Variants in PRODH2 observed in about 807,000 individuals in gnomAD.
The protein encoded by PRODH2 is hydroxyproline dehydrogenase.
In PRODH2, 49 loss-of-function variants were observed where a neutral mutation model predicts 51.9. The observed-to-expected ratio is 0.94, with a 90% CI of 0.75 to 1.20. PRODH2 has a LOEUF of 1.20. Among genes scored for constraint, PRODH2 ranks in the 50% most tolerant of loss-of-function variants. PRODH2 has a pLI of 0.00. For missense variants in PRODH2, 597 were observed against 610.9 expected, an observed-to-expected ratio of 0.98 and a Z score of 0.24; for synonymous variants, 249 against 260.7, an observed-to-expected ratio of 0.96 and a Z score of 0.43.
rs1351001270 is a variant in PRODH2, at chr19:35,802,262, C to A, written c.1127G>T (p.Gly376Val). 2 of 1,614,152 alleles carry A rather than the reference C, an allele frequency of 1.2e-6. No individual in the cohort carries two copies. Among genetic ancestry groups the A allele is most frequent in the Admixed American group, 3.3e-5 (2 of 60,016 alleles). Reference sequence around the variant, plus strand: ...ACAGACAGTCCCATCCAGAGGAATGCCCAGCTCCCACATGCTACAGAAAAG... The same window carrying A: ...ACAGACAGTCCCATCCAGAGGAATGACCAGCTCCCACATGCTACAGAAAAG... The part of the protein sequence containing the change: ...RQATKRMWEL[G>V]IPLDGTVCFG... Residue 376 changes from glycine (G) to valine (V), a missense_variant, in exon 9 of 10, where the codon GGC becomes GTC. Transcript: ENST00000653904.
Position 35,812,707 on chromosome 19 carries a change from G to T in PRODH2, c.99C>A (p.Gly33=). Residue 33 remains glycine (G), a synonymous_variant, in exon 1 of 10, where the codon GGC becomes GGA. Transcript: ENST00000653904. ...GCAAGGCCCGTGTCAGCTCTCCTGT[G>T]CCCTTAAGGTGGAAGGCCCCGCCAT... ...SFDGGAFHLK[G]TGELTRALLV... is the part of the protein sequence containing the mutation. The T allele has an allele frequency of 6.2e-7, 1 of 1,611,472 alleles. No homozygotes were observed. Among genetic ancestry groups the T allele is most frequent in the Non-Finnish European group, 8.5e-7 (1 of 1,178,368 alleles).
At chr19:35,806,639 G>T (rs1182424118) in intron 6 of PRODH2, 36 bp downstream of exon 6, 1 of 1,613,972 alleles carries the variant, frequency 6.2e-7, no homozygotes, top group East Asian at 2.2e-5. Context: ...AGGGTGTGGG[G>T]ACCCCAGCCT....
intron 9 of PRODH2, among the ~76,000 whole-genome samples, chr19:35,800,609 CAG>C (rs1459245901): frequency 6.6e-6 from 1 of 152,202 alleles, no homozygotes; most frequent in Non-Finnish European, 1.5e-5. Context: ...CCACCTGGAA[CAG>C]AGACTTCTGT....
At position 35,802,892 on chromosome 19, in the gene PRODH2, T is replaced by C. The variant is rs552033070; in HGVS notation, c.1112+76A>G. 1.8e-4 allele frequency: 193 copies of C among 1,077,072 alleles called. 1 individual carries two copies. In the East Asian group the frequency reaches 4.5e-3, roughly 25 times the overall value. 66.7% of individuals were successfully genotyped at this position (1,077,072 alleles called of 1,614,324 possible). ...TCCCCAGAACACCTCTGTCCATCTC[T>C]GGCATTTGAGCAAAGGAGAGGAAGG... On this transcript the variant is annotated intron_variant, in intron 8 of 9. Transcript: ENST00000653904.
chr19:35,807,990 G>T (rs1972541328), intron 4 of PRODH2, among the ~76,000 whole-genome samples: 1 of 152,082 alleles, frequency 6.6e-6, no homozygotes, highest in Non-Finnish European at 1.5e-5. Flanking sequence ...GCCCAGGCTG[G>T]TCTCAGTCTC....
intron 7 of PRODH2, among the ~76,000 whole-genome samples, chr19:35,805,131 G>T (rs1599819273): frequency 6.6e-6 from 1 of 152,182 alleles, no homozygotes. Flanking sequence ...TTGGGGTGAT[G>T]AAAATATTGT....
intron 4 of PRODH2, among the ~76,000 whole-genome samples, chr19:35,810,376 G>A (rs1417873833): frequency 1.3e-5 from 2 of 151,922 alleles, no homozygotes; most frequent in African/African-American, 2.4e-5. Context: ...CATTGTTTGG[G>A]AGGGTGGAGA....
At chr19:35,810,235 G>T (rs1972586747) in intron 4 of PRODH2, among the ~76,000 whole-genome samples, 1 of 147,242 alleles carries the variant, frequency 6.8e-6, no homozygotes, top group African/African-American at 2.5e-5. Flanking sequence ...CTCCAGCCTG[G>T]GCAACAGAGC....
rs543623750 is a variant in PRODH2 at position 35,812,109 on chromosome 19, G to A, written c.510+25C>T. On this transcript the variant is annotated intron_variant, in intron 3 of 9. Coordinates refer to ENST00000653904, the MANE Select transcript of PRODH2 (RefSeq NM_021232.2). Reference sequence around the variant, plus strand: ...CCCGATGGGCAGCCGCGCCCTCCCCGCACCCCCGTCTTTGCACTCCTTACA... The same window carrying A: ...CCCGATGGGCAGCCGCGCCCTCCCCACACCCCCGTCTTTGCACTCCTTACA... 110 of 1,613,120 alleles carry A rather than the reference G, an allele frequency of 6.8e-5. 1 individual carries two copies. The South Asian group carries it at 1.1e-3, about 16-fold the overall frequency.
At position 35,807,104 on chromosome 19, in the gene PRODH2, G is replaced by T; in HGVS notation, c.615C>A (p.Cys205Ter). ...GGTGCTGGTTCTGCTCAGCATTGAG[G>T]CAGGAGACCTGGAGGTTCTAGGGGG... is the stretch of plus-strand genomic sequence containing the variant. ...MDSGQNLQVS[C>*]LNAEQNQHLR... The change falls in exon 5 of 10, where the codon TGC becomes TGA. Residue 205 changes from cysteine to a stop codon, truncating the protein, a stop_gained. Coordinates refer to ENST00000653904, the MANE Select transcript of PRODH2 (RefSeq NM_021232.2). LOFTEE classifies it high-confidence loss of function. 2 of 1,552,474 alleles carry T rather than the reference G, an allele frequency of 1.3e-6. No individual in the cohort carries two copies. The highest frequency in any genetic ancestry group is 1.7e-6 in the Non-Finnish European group (2 of 1,147,292).
intron 9 of PRODH2, among the ~76,000 whole-genome samples, chr19:35,801,012 C>A (rs1274992375): frequency 6.6e-6 from 1 of 152,042 alleles, no homozygotes; most frequent in African/African-American, 2.4e-5. Context: ...ACTAAAAATA[C>A]AAAAATTGGC....
Position 35,809,717 on chromosome 19 carries a change from T to C in PRODH2, c.597+2245A>G, listed in dbSNP as rs567115132. 3.6e-3 allele frequency among the ~76,000 whole-genome samples: 551 copies of C among 152,074 alleles called. 2 individuals are homozygous for C. Among genetic ancestry groups the C allele is most frequent in the African/African-American group, 0.013 (525 of 41,468 alleles). On this transcript the variant is annotated intron_variant, in intron 4 of 9. Transcript: ENST00000653904. ...GGCTCATGCCTGTAATCCCAGCACTTTGGGAGGCCGAGGCACGTGGATCAC... is the reference window on the plus strand; with the variant it reads ...GGCTCATGCCTGTAATCCCAGCACTCTGGGAGGCCGAGGCACGTGGATCAC...
Position 35,812,247 on chromosome 19 carries a change from C to A in PRODH2, c.397G>T (p.Gly133Cys), listed in dbSNP as rs370842409. 1.9e-6 allele frequency: 3 copies of A among 1,613,684 alleles called. No homozygotes were observed. Among genetic ancestry groups the A allele is most frequent in the Admixed American group, 3.3e-5 (2 of 60,030 alleles). ...SGEAWYEGNL[G>C]AMLRCVDLSR... ...AGGTCCACACACCGCAGCATAGCACCGAGGTTCCCCTCATACCACGCCTCA... is the reference window on the plus strand; with the variant it reads ...AGGTCCACACACCGCAGCATAGCACAGAGGTTCCCCTCATACCACGCCTCA... Residue 133 changes from glycine (G) to cysteine (C), a missense_variant, in exon 3 of 10, where the codon GGT (glycine) becomes TGT (cysteine). Coordinates refer to ENST00000653904, the MANE Select transcript of PRODH2 (RefSeq NM_021232.2).
In PRODH2 at chr19:35,802,176, G is replaced by A; in HGVS notation, c.1198+15C>T. 6.2e-7 allele frequency: 1 copy of A among 1,612,406 alleles called. No individual in the cohort carries two copies. Among genetic ancestry groups the A allele is most frequent in the Middle Eastern group, 1.7e-4 (1 of 5,998 alleles). On this transcript the variant is annotated intron_variant, in intron 9 of 9. Coordinates refer to ENST00000653904, the MANE Select transcript of PRODH2 (RefSeq NM_021232.2). ...GGCCTGGGGCTTGATGGGGGTGGGG[G>A]AGCCATTCACATACCCAGTGCTAGA...
At chr19:35,802,737 T>C (rs1426739793) in intron 8 of PRODH2, among the ~76,000 whole-genome samples, 1 of 151,762 alleles carries the variant, frequency 6.6e-6, no homozygotes, top group East Asian at 1.9e-4. Flanking sequence ...TTTTTTTTAA[T>C]TTGTTGTAGA....
chr19:35,810,597 C>T (rs191243253), intron 4 of PRODH2, among the ~76,000 whole-genome samples: 1 of 151,692 alleles, frequency 6.6e-6, no homozygotes, highest in Non-Finnish European at 1.5e-5. Flanking sequence ...TCTCGGTTTA[C>T]TGCAACCTCC....
chr19:35,807,397 G>A (rs902800050), intron 4 of PRODH2, among the ~76,000 whole-genome samples: 1 of 151,374 alleles, frequency 6.6e-6, no homozygotes, highest in Admixed American at 6.6e-5. Context: ...CTGCCTCCTG[G>A]GTTCAAGTGA....
intron 7 of PRODH2, among the ~76,000 whole-genome samples, chr19:35,805,910 C>T (rs1972503717): frequency 6.6e-6 from 1 of 152,004 alleles, no homozygotes. Context: ...TGGGAATGTC[C>T]CAGGCAGTGG....
Position 35,800,146 on chromosome 19 carries a change from C to G in PRODH2, c.1275G>C (p.Arg425Ser), listed in dbSNP as rs538895796. 22 of 1,606,118 alleles carry G rather than the reference C, an allele frequency of 1.4e-5. No individual in the cohort carries two copies. In the Admixed American group the frequency reaches 2.0e-4, roughly 15 times the overall value. ...GAAGCACGCTCCGGTTCTCCTGGGC[C>G]CTCCGGATCAGGTAGGGGATTACCT... is the stretch of plus-strand genomic sequence containing the variant. ...LEEVIPYLIRRAQENRSVLQG... is the reference protein window; with the variant it reads ...LEEVIPYLIRSAQENRSVLQG... The change falls in exon 10 of 10, where the codon AGG becomes AGC. Residue 425 changes from arginine (R) to serine (S), a missense_variant. By Grantham distance (110) the Arg-to-Ser change is moderately radical. Coordinates refer to ENST00000653904, the MANE Select transcript of PRODH2 (RefSeq NM_021232.2).
Sources: allele counts gnomAD v4.1 joint callset (sites outside exome capture counted in the v4.1 genomes callset), GRCh38; gene constraint gnomAD v4.1.1; transcripts MANE v1.5; gene names NCBI Gene and HGNC (gene_info 2026-07-23, HGNC 2026-07-21).